Variants in DHX16 observed in about 807,000 individuals in gnomAD.
DHX16 encodes the protein DEAH-box helicase 16.
A neutral mutation model predicts 131.2 loss-of-function variants in DHX16; 81 were observed. The ratio of observed to expected loss-of-function variants is 0.62; its 90% CI spans 0.52 to 0.74. The LOEUF (loss-of-function observed/expected upper bound fraction) is 0.74, where lower values mean the gene tolerates loss of function less well. DHX16 is among the 30% of genes least tolerant of loss of function. DHX16 has a pLI of 0.00. For synonymous variants in DHX16, 440 were observed against 520.2 expected, an observed-to-expected ratio of 0.85 and a Z score of 2.10; for missense variants, 980 against 1,363.1, an observed-to-expected ratio of 0.72 and a Z score of 4.43.
Position 30,672,865 on chromosome 6 carries a change from G to C in DHX16, c.-24C>G. On this transcript the variant is annotated 5_prime_UTR_variant, in exon 1 of 20. Coordinates refer to ENST00000376442, the MANE Select transcript of DHX16 (RefSeq NM_003587.5). ...ATGGCGACTCACGCTCCCTGCTCCC[G>C]GCCCTGAAGCGTCGGGCAGCCGCGC... The C allele has an allele frequency of 1.2e-6, 2 of 1,611,074 alleles. No homozygotes were observed. The highest frequency in any genetic ancestry group is 2.2e-5 in the South Asian group (2 of 90,936).
chr6:30,659,951 C>A, intron 10 of DHX16, 81 bp downstream of exon 10: 1 of 1,559,160 alleles, frequency 6.4e-7, no homozygotes, highest in Non-Finnish European at 8.8e-7. Context: ...TCCATTCCAT[C>A]TTTCCCTCCA....
In DHX16 at chr6:30,663,764, C is replaced by A. The variant is rs950082698; in HGVS notation, c.1318-743G>T. On this transcript the variant is annotated intron_variant, in intron 7 of 19. Coordinates refer to ENST00000376442, the MANE Select transcript of DHX16 (RefSeq NM_003587.5). ...ATTTCAGGCCAGGCACAGTGGCTAA[C>A]ACCTGTAACTCCAGCACTTTGGGAG... Among the ~76,000 whole-genome samples the A allele has an allele frequency of 2.7e-5, 4 of 150,188 alleles. No homozygotes were observed. In the Admixed American group the frequency reaches 2.7e-4, roughly 10 times the overall value.
Position 30,655,319 on chromosome 6 carries a change from G to A in DHX16, c.2679C>T (p.Tyr893=). The change falls in exon 18 of 20, where the codon TAC becomes TAT. Residue 893 remains tyrosine (Y), a synonymous_variant. Coordinates refer to ENST00000376442, the MANE Select transcript of DHX16 (RefSeq NM_003587.5). The part of the protein sequence containing the change: ...NVYTQWAESG[Y]SSQWCYENFV... The stretch of plus-strand genomic sequence containing the variant: ...AGTTCTCATAGCACCACTGGGAAGA[G>A]TAACCACTCTCAGCCCACTGGGAAG... 3.7e-6 allele frequency: 6 copies of A among 1,614,186 alleles called. No homozygotes were observed. The highest frequency in any genetic ancestry group is 1.3e-5 in the African/African-American group (1 of 75,044).
rs199946837 is a variant in DHX16, at chr6:30,662,940, G to A, written c.1399C>T (p.Arg467Trp). The A allele has an allele frequency of 1.2e-4, 200 of 1,613,112 alleles. No homozygotes were observed. Among genetic ancestry groups the A allele is most frequent in the Non-Finnish European group, 1.7e-4 (198 of 1,180,026 alleles). Residue 467 changes from arginine (R) to tryptophan (W), a missense_variant, in exon 8 of 20, where the codon CGG (arginine) becomes TGG (tryptophan). Arg to Trp is a moderately radical substitution (Grantham distance 101, BLOSUM62 -3). Transcript: ENST00000376442. The surrounding 1 kb of genome is among the most constrained non-coding windows in gnomAD (Gnocchi z 4.7). ...AAMSVAARVA[R>W]EMGVKLGNEV... ...TTCCCAAGCTTCACACCCATCTCCC[G>A]GGCCACTCGGGCGGCCACACTCATG...
chr6:30,670,885 G>A lies in DHX16; in HGVS notation c.514C>T (p.Leu172Phe). ...DEWERTERER[L>F]QDLEERDAFA... The stretch of plus-strand genomic sequence containing the variant: ...GCATCACGCTCCTCCAGGTCCTGAA[G>A]GCGTTCACGCTCTGTCCGTTCCCAC... The change falls in exon 3 of 20, where the codon CTT (leucine) becomes TTT (phenylalanine). Residue 172 changes from leucine (L) to phenylalanine (F), a missense_variant. By Grantham distance (22) the Leu-to-Phe change is conservative. Coordinates refer to ENST00000376442, the MANE Select transcript of DHX16 (RefSeq NM_003587.5). This position sits in a 1 kb window ranked among gnomAD's most constrained non-coding sequence, Gnocchi z 4.4. 1 of 1,613,048 alleles carries A rather than the reference G, an allele frequency of 6.2e-7. No individual in the cohort carries two copies. The highest frequency in any genetic ancestry group is 8.5e-7 in the Non-Finnish European group (1 of 1,180,032).
chr6:30,659,654 GTCCC>G, intron 11 of DHX16, 30 bp from the exon 12 acceptor site: 1 of 1,613,594 alleles, frequency 6.2e-7, no homozygotes, highest in Non-Finnish European at 8.5e-7. Flanking sequence ...AGCAGCAGGG[GTCCC>G]AGAGTCACAG....
intron 9 of DHX16, chr6:30,660,548 T>C (rs1345141688): frequency 6.0e-6 from 2 of 335,298 alleles, no homozygotes; most frequent in African/African-American, 4.2e-5. Flanking sequence ...AGAGTCTGCT[T>C]AGACTCAGCA....
Position 30,663,010 on chromosome 6 carries a change from GT to G in DHX16, c.1328del (p.Asn443ThrfsTer4). On this transcript the variant is annotated frameshift_variant, in exon 8 of 20. Transcript: ENST00000376442. LOFTEE classifies it high-confidence loss of function. ...GGGTGCAGGCAATCTTCATACCCTT[GT>G]TTGTATAACCCTGAATGACAAAGAA... ...PQYLFEEGYT[N>X]KGMKIACTQP... 1 of 1,613,062 alleles carries G rather than the reference GT, an allele frequency of 6.2e-7. No homozygotes were observed. The highest frequency in any genetic ancestry group is 8.5e-7 in the Non-Finnish European group (1 of 1,179,796).
In DHX16 at chr6:30,656,893, T is replaced by C; in HGVS notation, c.2148+59A>G. The C allele has an allele frequency of 6.3e-7, 1 of 1,592,796 alleles. No individual in the cohort carries two copies. The highest frequency in any genetic ancestry group is 8.6e-7 in the Non-Finnish European group (1 of 1,168,756). The stretch of plus-strand genomic sequence containing the variant: ...AGGAAGCCCCCACCCTGCTTCTGAG[T>C]TGGACCTTCTCTGTGGGCCAACTCC... On this transcript the variant is annotated intron_variant, in intron 13 of 19. Transcript: ENST00000376442. This position sits in a 1 kb window ranked among gnomAD's most constrained non-coding sequence, Gnocchi z 5.1.
At chr6:30,671,660 T>C (rs1241974964) in intron 1 of DHX16, among the ~76,000 whole-genome samples, 1 of 151,700 alleles carries the variant, frequency 6.6e-6, no homozygotes, top group African/African-American at 2.4e-5. Context: ...TACTTAGTTT[T>C]AAACCAGCTA....
Position 30,656,957 on chromosome 6 carries a change from T to C in DHX16, c.2143A>G (p.Ser715Gly). ...CCATGCATCCCCAGGCTGACCTTGC[T>C]GCAGGGTGTGACAGTGAGCGATTCC... The part of the protein sequence containing the change: ...GMESLTVTPC[S>G]KASANQRAGR... Residue 715 changes from serine to glycine, a missense_variant, in exon 13 of 20, where the codon AGC becomes GGC. Ser to Gly is a moderately conservative substitution (Grantham distance 56, BLOSUM62 0). This residue lies in a region of DHX16 where 309 missense variants were observed against 537.1 expected (regional missense o/e 0.58). Coordinates refer to ENST00000376442, the MANE Select transcript of DHX16 (RefSeq NM_003587.5). The surrounding 1 kb of genome is among the most constrained non-coding windows in gnomAD (Gnocchi z 5.1). The C allele has an allele frequency of 6.2e-7, 1 of 1,612,240 alleles. No homozygotes were observed. The highest frequency in any genetic ancestry group is 8.5e-7 in the Non-Finnish European group (1 of 1,179,582).
At position 30,655,602 on chromosome 6, in the gene DHX16, G is replaced by C; in HGVS notation, c.2499-5C>G. 1 of 1,613,068 alleles carries C rather than the reference G, an allele frequency of 6.2e-7. No homozygotes were observed. The highest frequency in any genetic ancestry group is 8.5e-7 in the Non-Finnish European group (1 of 1,180,010). On this transcript the variant is annotated splice_region_variant and splice_polypyrimidine_tract_variant and intron_variant, in intron 16 of 19. Transcript: ENST00000376442. ...ATCTCCTCTGAACAGCTGTACCTGG[G>C]ACAGGAAGGGGAAAGCATGAGTTCA...
chr6:30,655,807 G>A (rs1314012091), intron 16 of DHX16, among the ~76,000 whole-genome samples: 2 of 152,164 alleles, frequency 1.3e-5, no homozygotes, highest in Non-Finnish European at 2.9e-5. Flanking sequence ...TCACAAAGGA[G>A]GGACATCCAT....
rs17189239 is a variant in DHX16, at chr6:30,665,142, T to C, written c.1054A>G (p.Lys352Glu). The part of the protein sequence containing the change: ...GARDAASQEP[K>E]YQLVLEEEET... Reference sequence around the variant, plus strand: ...TCCTCCTCCAGCACCAGTTGATACTTGGGCTCCTGAGAGGCAGCATCTCGG... The same window carrying C: ...TCCTCCTCCAGCACCAGTTGATACTCGGGCTCCTGAGAGGCAGCATCTCGG... The change falls in exon 6 of 20, where the codon AAG becomes GAG. Residue 352 changes from lysine to glutamate, a missense_variant. Lys to Glu is a moderately conservative substitution (Grantham distance 56). Transcript: ENST00000376442. The surrounding 1 kb of genome is among the most constrained non-coding windows in gnomAD (Gnocchi z 4.8). The C allele has an allele frequency of 1.8e-3, 2,848 of 1,613,880 alleles. 47 individuals are homozygous for C. In the African/African-American group the frequency reaches 0.034, roughly 19 times the overall value.
intron 19 of DHX16, 104 bp from the exon 20 acceptor site, chr6:30,653,474 C>A: frequency 7.6e-7 from 1 of 1,323,504 alleles, no homozygotes; most frequent in Non-Finnish European, 1.0e-6. Flanking sequence ...GCTCTATTGC[C>A]CAGGCTGGAC....
Position 30,656,365 on chromosome 6 carries a change from TC to T in DHX16, c.2430+25del, listed in dbSNP as rs773276571. 6.2e-7 allele frequency: 1 copy of T among 1,612,470 alleles called. No homozygotes were observed. The highest frequency in any genetic ancestry group is 2.2e-5 in the East Asian group (1 of 44,864). On this transcript the variant is annotated intron_variant, in intron 15 of 19. Coordinates refer to ENST00000376442, the MANE Select transcript of DHX16 (RefSeq NM_003587.5). This position sits in a 1 kb window ranked among gnomAD's most constrained non-coding sequence, Gnocchi z 5.1. ...CCATCCTGACCCCTATCATCCTGCC[TC>T]CACCCATGCTGTCCCCCGACTCACC...
In DHX16 at chr6:30,664,912, G is replaced by C; in HGVS notation, c.1206C>G (p.Phe402Leu). Residue 402 changes from phenylalanine to leucine, a missense_variant, in exon 7 of 20, where the codon TTC becomes TTG. Physicochemically the swap from Phe to Leu is conservative, Grantham distance 22. Coordinates refer to ENST00000376442, the MANE Select transcript of DHX16 (RefSeq NM_003587.5). Reference protein sequence around the residue: ...IQAVRRSLPVFPFREELLAAI... With the variant: ...IQAVRRSLPVLPFREELLAAI... ...CAGCCAGGAGCTCCTCTCGAAATGGGAACACCGGGAGGCTGCGGCGGACGG... is the reference window on the plus strand; with the variant it reads ...CAGCCAGGAGCTCCTCTCGAAATGGCAACACCGGGAGGCTGCGGCGGACGG... The C allele has an allele frequency of 1.9e-6, 3 of 1,613,760 alleles. No individual in the cohort carries two copies. Among genetic ancestry groups the C allele is most frequent in the Non-Finnish European group, 1.7e-6 (2 of 1,180,022 alleles).
chr6:30,667,063 A>G (rs1434474640), intron 4 of DHX16, among the ~76,000 whole-genome samples: 1 of 152,204 alleles, frequency 6.6e-6, no homozygotes, highest in African/African-American at 2.4e-5. Flanking sequence ...ATAAAAATTC[A>G]TGAGTCCAAT....
At chr6:30,654,582 C>G in intron 19 of DHX16, 124 bp downstream of exon 19, 1 of 955,832 alleles carries the variant, frequency 1.0e-6, no homozygotes, top group African/African-American at 1.7e-5. Context: ...GGATGTCTTT[C>G]TATTTTACCC....
Sources: allele counts gnomAD v4.1 joint callset (sites outside exome capture counted in the v4.1 genomes callset), GRCh38; gene constraint gnomAD v4.1.1; regional missense constraint gnomAD v4.1.1; non-coding constraint Gnocchi (gnomAD v3.1); transcripts MANE v1.5; gene names NCBI Gene and HGNC (gene_info 2026-07-23, HGNC 2026-07-21).